YARS1: variants seen among roughly 807,000 people sequenced by gnomAD.
YARS1 encodes the protein tyrosyl-tRNA synthetase 1.
In YARS1, 36 loss-of-function variants were observed where a neutral mutation model predicts 62.2. That is an observed-to-expected ratio of 0.58 (90% CI 0.44 to 0.76). The LOEUF (loss-of-function observed/expected upper bound fraction) is 0.76, where lower values mean the gene tolerates loss of function less well. Among genes scored for constraint, YARS1 ranks in the 30% least tolerant of loss-of-function variants. YARS1 has a pLI of 0.00. For synonymous variants in YARS1, 234 were observed against 244.9 expected (o/e 0.96, Z 0.42); for missense variants, 524 against 639.8 (o/e 0.82, Z 1.95).
At chr1:32,816,860 G>C (rs1638754421) in intron 1 of YARS1, 2 of 514,418 alleles carry the variant, frequency 3.9e-6, no homozygotes, top group Non-Finnish European at 7.0e-6. Flanking sequence ...CTTCAGACAA[G>C]CTCTGGCAGG....
chr1:32,813,631 T>G (rs1245601378), intron 1 of YARS1, among the ~76,000 whole-genome samples: 1 of 152,080 alleles, frequency 6.6e-6, no homozygotes, highest in African/African-American at 2.4e-5. Context: ...CAGATACTTT[T>G]TGGTTTACAT....
At chr1:32,812,596 A>G (rs1251418606) in intron 1 of YARS1, among the ~76,000 whole-genome samples, 1 of 152,210 alleles carries the variant, frequency 6.6e-6, no homozygotes, top group Non-Finnish European at 1.5e-5. Flanking sequence ...GGAAAGTCTG[A>G]CACCTTTTAA....
Position 32,786,417 on chromosome 1 carries a change from C to T in YARS1, c.851G>A (p.Gly284Asp). 1 of 1,614,008 alleles carries T rather than the reference C, an allele frequency of 6.2e-7. No individual in the cohort carries two copies. Among genetic ancestry groups the T allele is most frequent in the South Asian group, 1.1e-5 (1 of 91,050 alleles). ...EFVILRDEKW[G>D]GNKTYTAYVD... is the part of the protein sequence containing the mutation. Reference sequence around the variant, plus strand: ...GTAAGCTGTGTAGGTTTTGTTTCCACCCCATTTCTCATCTCGTAGGATCAC... The same window carrying T: ...GTAAGCTGTGTAGGTTTTGTTTCCATCCCATTTCTCATCTCGTAGGATCAC... The change falls in exon 8 of 13, where the codon GGT becomes GAT. Residue 284 changes from glycine to aspartate, a missense_variant. Gly to Asp is a moderately conservative substitution (Grantham distance 94). Transcript: ENST00000373477.
At position 32,786,890 on chromosome 1, in the gene YARS1, G is replaced by C. The variant is rs546021158; in HGVS notation, c.820+50C>G. 4.3e-6 allele frequency: 7 copies of C among 1,612,538 alleles called. No individual in the cohort carries two copies. The Admixed American group carries it at 1.2e-4, about 27-fold the overall frequency. On this transcript the variant is annotated intron_variant, in intron 7 of 12. Coordinates refer to ENST00000373477, the MANE Select transcript of YARS1 (RefSeq NM_003680.4). ...CAAATCACAAGTATGATCACAGCACGAACTTTTCTATTCTAGCCTGGCCTC... is the reference window on the plus strand; with the variant it reads ...CAAATCACAAGTATGATCACAGCACCAACTTTTCTATTCTAGCCTGGCCTC...
chr1:32,811,052 A>C lies in YARS1; in HGVS notation c.63T>G (p.Val21=). 6.2e-7 allele frequency: 1 copy of C among 1,614,070 alleles called. No homozygotes were observed. Among genetic ancestry groups the C allele is most frequent in the Non-Finnish European group, 8.5e-7 (1 of 1,180,014 alleles). ...TCTCCTTCAGCTTCTCTTCCCCCAG[A>C]ACCTCCTATTGTGGAAGCAGAAGAG... The part of the protein sequence containing the change: ...LHLITRNLQE[V]LGEEKLKEIL... Residue 21 remains valine (V), a synonymous_variant, in exon 2 of 13, where the codon GTT becomes GTG. Coordinates refer to ENST00000373477, the MANE Select transcript of YARS1 (RefSeq NM_003680.4).
chr1:32,785,128 T>C (rs1653178667), intron 8 of YARS1, among the ~76,000 whole-genome samples: 1 of 152,118 alleles, frequency 6.6e-6, no homozygotes, highest in Non-Finnish European at 1.5e-5. Flanking sequence ...TGAATCCTCA[T>C]CAAAGCCATT....
At chr1:32,801,640 T>C (rs1638297378) in intron 4 of YARS1, among the ~76,000 whole-genome samples, 1 of 152,208 alleles carries the variant, frequency 6.6e-6, no homozygotes, top group South Asian at 2.1e-4. Context: ...GAAAGATTTA[T>C]CTGGTGCAGG....
intron 8 of YARS1, chr1:32,782,863 C>A: frequency 5.7e-6 from 2 of 352,504 alleles, no homozygotes; most frequent in Non-Finnish European, 1.1e-5. Context: ...GAAACATTCA[C>A]ATAGGTAACC....
At chr1:32,814,624 A>G (rs963829406) in intron 1 of YARS1, among the ~76,000 whole-genome samples, 1 of 152,162 alleles carries the variant, frequency 6.6e-6, no homozygotes, top group African/African-American at 2.4e-5. Flanking sequence ...TCCCAACCTC[A>G]AGTGATCTGC....
intron 12 of YARS1, among the ~76,000 whole-genome samples, chr1:32,778,896 G>A (rs1316246588): frequency 2.0e-5 from 3 of 151,630 alleles, no homozygotes; most frequent in Admixed American, 2.0e-4. Context: ...CCACGACCAC[G>A]CCTGGCTAAT....
rs374136370 is a variant in YARS1, at chr1:32,786,467, T to C, written c.821-20A>G. 2 of 1,607,506 alleles carry C rather than the reference T, an allele frequency of 1.2e-6. No individual in the cohort carries two copies. The highest frequency in any genetic ancestry group is 2.2e-5 in the East Asian group (1 of 44,844). On this transcript the variant is annotated intron_variant, in intron 7 of 12. Coordinates refer to ENST00000373477, the MANE Select transcript of YARS1 (RefSeq NM_003680.4). ...CAAACTCTATAAGGAAAAGGATCCA[T>C]GTCAACAAACTCATTGACAGCATTC...
At chr1:32,779,771 A>G in intron 11 of YARS1, 1 of 621,172 alleles carries the variant, frequency 1.6e-6, no homozygotes, top group East Asian at 2.8e-5. Flanking sequence ...GAAGTATAAA[A>G]TAACGTAGCG....
In YARS1 at chr1:32,788,335, C is replaced by T. The variant is rs145896535; in HGVS notation, c.685-1260G>A. On this transcript the variant is annotated intron_variant, in intron 6 of 12. Coordinates refer to ENST00000373477, the MANE Select transcript of YARS1 (RefSeq NM_003680.4). Reference sequence around the variant, plus strand: ...GTGCAATTATAGTTCACTGTAACCTCGAACTCCTGCCATTAAGTGATCTTC... The same window carrying T: ...GTGCAATTATAGTTCACTGTAACCTTGAACTCCTGCCATTAAGTGATCTTC... Among the ~76,000 whole-genome samples, 33 of 152,218 alleles carry T rather than the reference C, an allele frequency of 2.2e-4. No homozygotes were observed. In the East Asian group the frequency reaches 4.3e-3, roughly 20 times the overall value.
chr1:32,804,871 C>A (rs1638414455), intron 4 of YARS1, among the ~76,000 whole-genome samples: 1 of 152,100 alleles, frequency 6.6e-6, no homozygotes, highest in South Asian at 2.1e-4. Context: ...CTTTGGGAGG[C>A]CAAGGCAGGC....
At position 32,811,067 on chromosome 1, in the gene YARS1, A is replaced by G. The variant is rs753748268; in HGVS notation, c.58-10T>C. 66 of 1,613,896 alleles carry G rather than the reference A, an allele frequency of 4.1e-5. 1 individual carries two copies. Among genetic ancestry groups the G allele is most frequent in the Non-Finnish European group, 1.5e-5 (18 of 1,180,008 alleles). On this transcript the variant is annotated splice_polypyrimidine_tract_variant and intron_variant, in intron 1 of 12. Transcript: ENST00000373477. Reference sequence around the variant, plus strand: ...CTTCCCCCAGAACCTCCTATTGTGGAAGCAGAAGAGTTAGTTTAATGTCAG... The same window carrying G: ...CTTCCCCCAGAACCTCCTATTGTGGGAGCAGAAGAGTTAGTTTAATGTCAG...
intron 1 of YARS1, among the ~76,000 whole-genome samples, chr1:32,812,727 C>T (rs1298435965): frequency 1.3e-5 from 2 of 152,110 alleles, no homozygotes; most frequent in Non-Finnish European, 1.5e-5. Context: ...AATCCCAGCA[C>T]TTTGGGAGGC....
intron 4 of YARS1, among the ~76,000 whole-genome samples, chr1:32,802,408 G>A (rs1334605792): frequency 1.3e-5 from 2 of 151,908 alleles, no homozygotes; most frequent in Non-Finnish European, 1.5e-5. Context: ...TAATAACACC[G>A]AGAATGCTGG....
intron 11 of YARS1, chr1:32,779,859 G>A: frequency 1.6e-6 from 1 of 640,390 alleles, no homozygotes; most frequent in Non-Finnish European, 2.7e-6. Context: ...GGTATGTACT[G>A]GTTTGAGCCC....
At chr1:32,790,688 G>A (rs1184788329) in intron 6 of YARS1, 1 of 158,788 alleles carries the variant, frequency 6.3e-6, no homozygotes, top group Non-Finnish European at 1.4e-5. Context: ...AGCCATGTTT[G>A]GGAACCCAGA....
Sources: gnomAD v4.1 joint callset for allele counts (sites outside exome capture counted in the v4.1 genomes callset) on GRCh38, gnomAD v4.1.1 for gene constraint, MANE v1.5 for transcripts, NCBI Gene and HGNC (gene_info 2026-07-23, HGNC 2026-07-21) for gene names.